ACTR3C: variants seen among roughly 807,000 people sequenced by gnomAD.
The protein encoded by ACTR3C is actin-related protein 3C.
Under a neutral mutation model 26.3 loss-of-function variants are expected in ACTR3C, and 18 were observed. The ratio of observed to expected loss-of-function variants is 0.68; its 90% confidence interval spans 0.47 to 1.01. ACTR3C has a LOEUF of 1.01. Among genes scored for constraint, ACTR3C ranks in the 50% least tolerant of loss-of-function variants. The pLI, the probability that ACTR3C is intolerant of heterozygous loss-of-function variation, is 0.00. For synonymous variants in ACTR3C, 55 were observed against 94.5 expected (o/e 0.58, Z 2.42); for missense variants, 184 against 250.7 (o/e 0.73, Z 1.80).
At chr7:150,181,592 C>G in the ACTR3C span, among the ~76,000 whole-genome samples, 1 of 146,948 alleles carries the variant, frequency 6.8e-6, no homozygotes, top group East Asian at 1.9e-4. Flanking sequence ...GAGCAAGACA[C>G]TGTCTCAGAA....
the ACTR3C span, among the ~76,000 whole-genome samples, chr7:150,040,180 C>T: frequency 4.1e-5 from 6 of 147,908 alleles, no homozygotes; most frequent in Non-Finnish European, 7.5e-5. Context: ...TTATTTGCTT[C>T]TTGTACTAGC....
chr7:149,996,108 A>G, the ACTR3C span, among the ~76,000 whole-genome samples: 1 of 152,234 alleles, frequency 6.6e-6, no homozygotes, highest in East Asian at 1.9e-4. Flanking sequence ...GGGACCAGAC[A>G]GAGAAAGATC....
chr7:150,079,045 C>A, the ACTR3C span, among the ~76,000 whole-genome samples: 1 of 152,184 alleles, frequency 6.6e-6, no homozygotes, highest in East Asian at 1.9e-4. Context: ...TCCCCACATA[C>A]ACAGGGGATA....
chr7:149,957,647 T>C, the ACTR3C span, among the ~76,000 whole-genome samples: 3 of 152,076 alleles, frequency 2.0e-5, no homozygotes, highest in African/African-American at 2.4e-5. Flanking sequence ...GTTCTGAGGC[T>C]TCCAGAGTTG....
At chr7:149,961,875 C>T in the ACTR3C span, among the ~76,000 whole-genome samples, 1 of 151,812 alleles carries the variant, frequency 6.6e-6, no homozygotes, top group African/African-American at 2.4e-5. Flanking sequence ...TATGGGCTCA[C>T]AGGAGGTAAA....
At chr7:150,070,796 TTTC>T in the ACTR3C span, among the ~76,000 whole-genome samples, 2 of 146,980 alleles carry the variant, frequency 1.4e-5, 1 homozygote, top group African/African-American at 5.3e-5. Context: ...TCTTTTTTCT[TTTC>T]TTTTTTTTTT....
chr7:150,174,583 A>T, the ACTR3C span, among the ~76,000 whole-genome samples: 1 of 137,594 alleles, frequency 7.3e-6, no homozygotes, highest in South Asian at 2.3e-4. Context: ...AAAAAAAAAA[A>T]AAGAACAACT....
At chr7:150,037,351 G>C in the ACTR3C span, among the ~76,000 whole-genome samples, 30 of 59,194 alleles carry the variant, frequency 5.1e-4, 4 homozygotes, top group African/African-American at 1.3e-3. Flanking sequence ...AGAGGGTCTG[G>C]CTCTCAGTCC....
chr7:150,194,801 A>G, the ACTR3C span, among the ~76,000 whole-genome samples: 1 of 152,120 alleles, frequency 6.6e-6, no homozygotes, highest in Admixed American at 6.5e-5. Flanking sequence ...TTTAAATAAC[A>G]TTATTCTCCC....
At chr7:150,208,961 A>G in the ACTR3C span, among the ~76,000 whole-genome samples, 3 of 152,160 alleles carry the variant, frequency 2.0e-5, no homozygotes, top group African/African-American at 7.2e-5. Flanking sequence ...CCAAATCAAA[A>G]TCCTAGAGAG....
chr7:150,060,043 T>C, the ACTR3C span, among the ~76,000 whole-genome samples: 821 of 152,330 alleles, frequency 5.4e-3, 5 homozygotes, highest in African/African-American at 0.019. Flanking sequence ...TAAATTATCC[T>C]TCTGGAATTG....
chr7:150,161,636 T>C, the ACTR3C span, among the ~76,000 whole-genome samples: 7 of 152,094 alleles, frequency 4.6e-5, no homozygotes, highest in South Asian at 2.1e-4. Context: ...GGGCTAGAAA[T>C]ACCATTTGAC....
the ACTR3C span, among the ~76,000 whole-genome samples, chr7:150,093,932 C>G: frequency 6.6e-6 from 1 of 150,754 alleles, no homozygotes; most frequent in Non-Finnish European, 1.5e-5. Flanking sequence ...TAAGTGCTCC[C>G]TGTAGATTAG....
chr7:150,139,568 C>G, the ACTR3C span, among the ~76,000 whole-genome samples: 2 of 152,300 alleles, frequency 1.3e-5, no homozygotes, highest in Non-Finnish European at 2.9e-5. Context: ...CTCTCACCTT[C>G]CCGGATCATC....
At chr7:150,058,202 G>A in the ACTR3C span, among the ~76,000 whole-genome samples, 2 of 152,278 alleles carry the variant, frequency 1.3e-5, no homozygotes, top group African/African-American at 4.8e-5. Flanking sequence ...ACTGAGAAAA[G>A]CTTGACATTT....
chr7:150,245,413 G>A (rs2129608729), downstream of ACTR3C: 1 of 152,276 alleles, frequency 6.6e-6, no homozygotes, highest in Non-Finnish European at 1.5e-5. Flanking sequence ...GACATGGCCT[G>A]TCTCCACTTT....
chr7:150,317,072 C>CATTTATTT (rs35008477), intron 1 of ACTR3C, among the ~76,000 whole-genome samples: 1 of 150,968 alleles, frequency 6.6e-6, no homozygotes, highest in African/African-American at 2.4e-5. Flanking sequence ...TTCTTTCCTT[C>CATTTATTT]ATTTATTTAT....
the ACTR3C span, among the ~76,000 whole-genome samples, chr7:150,006,398 T>C: frequency 1.5e-3 from 224 of 147,438 alleles, no homozygotes; most frequent in Middle Eastern, 3.4e-3. Flanking sequence ...GGGGTTTCAC[T>C]GTGTTAGCCA....
At chr7:150,125,622 A>G in the ACTR3C span, among the ~76,000 whole-genome samples, 93 of 151,590 alleles carry the variant, frequency 6.1e-4, no homozygotes, top group African/African-American at 2.2e-3. Context: ...CTTCCACTAC[A>G]TTTTCTTTGT....
Sources: gnomAD v4.1 joint callset for allele counts (sites outside exome capture counted in the v4.1 genomes callset) on GRCh38, gnomAD v4.1.1 for gene constraint, MANE v1.5 for transcripts, NCBI Gene and HGNC (gene_info 2026-07-23, HGNC 2026-07-21) for gene names.